The following KLB variants were observed in gnomAD, a reference collection of about 807,000 sequenced individuals.
KLB encodes the protein beta-klotho.
KLB carries 44 observed loss-of-function variants against 88.4 expected under a neutral mutation model. The ratio of observed to expected loss-of-function variants is 0.50; its 90% CI spans 0.39 to 0.64. The LOEUF is 0.64. Among genes scored for constraint, KLB ranks in the 30% least tolerant of loss-of-function variants. KLB has a pLI of 0.00. For synonymous variants in KLB, 548 were observed against 513.4 expected, an observed-to-expected ratio of 1.07 and a Z score of -0.91; for missense variants, 1,137 against 1,304.8, an observed-to-expected ratio of 0.87 and a Z score of 1.98.
rs750895280 is a variant in KLB, at chr4:39,446,332, C to G, written c.1606C>G (p.Pro536Ala). Reference protein sequence around the residue: ...SWGVTESVLKPESVASSPQFS... With the variant: ...SWGVTESVLKAESVASSPQFS... ...ACCTAAATGAGCTTGTTTTTCACAG[C>G]CCGAGTCTGTGGCTTCGTCCCCACA... The change falls in exon 4 of 5, where the codon CCC becomes GCC. Residue 536 changes from proline to alanine, a missense_variant and splice_region_variant. Pro to Ala is a conservative substitution (Grantham distance 27). This residue lies in a region of KLB where 597 missense variants were observed against 765.2 expected (regional missense o/e 0.78). Coordinates refer to ENST00000257408, the MANE Select transcript of KLB (RefSeq NM_175737.4). This position sits in a 1 kb window ranked among gnomAD's most constrained non-coding sequence, Gnocchi z 6.4. 1 of 1,611,820 alleles carries G rather than the reference C, an allele frequency of 6.2e-7. No homozygotes were observed. The highest frequency in any genetic ancestry group is 8.5e-7 in the Non-Finnish European group (1 of 1,178,784).
chr4:39,435,742 T>G (rs560312088), intron 2 of KLB, among the ~76,000 whole-genome samples: 1 of 152,232 alleles, frequency 6.6e-6, no homozygotes, highest in African/African-American at 2.4e-5. Flanking sequence ...TTGTCCAATG[T>G]TGACAGCACT....
In KLB at chr4:39,448,415, T is replaced by C; in HGVS notation, c.2864T>C (p.Ile955Thr). The change falls in exon 5 of 5, where the codon ATA becomes ACA. Residue 955 changes from isoleucine (I) to threonine (T), a missense_variant. Physicochemically the swap from Ile to Thr is moderately conservative, Grantham distance 89. Transcript: ENST00000257408. ...FTSDFKAKSS[I>T]QFYNKVISSR... is the part of the protein sequence containing the mutation. Reference sequence around the variant, plus strand: ...TCTGATTTTAAAGCTAAATCCTCAATACAATTTTACAACAAAGTGATCAGC... The same window carrying C: ...TCTGATTTTAAAGCTAAATCCTCAACACAATTTTACAACAAAGTGATCAGC... 2 of 1,614,150 alleles carry C rather than the reference T, an allele frequency of 1.2e-6. No individual in the cohort carries two copies. Among genetic ancestry groups the C allele is most frequent in the African/African-American group, 1.3e-5 (1 of 75,058 alleles).
At chr4:39,448,262 G>A in intron 4 of KLB, 39 bp from the exon 5 acceptor site, 1 of 1,445,420 alleles carries the variant, frequency 6.9e-7, no homozygotes, top group Non-Finnish European at 9.4e-7. Context: ...ATACTTCATA[G>A]TCCATTTGTG....
intron 1 of KLB, among the ~76,000 whole-genome samples, chr4:39,424,496 G>A (rs776380132): frequency 8.6e-5 from 13 of 151,738 alleles, no homozygotes; most frequent in Non-Finnish European, 1.6e-4. Context: ...GGCATTTCTA[G>A]GGACGTAGGT....
At chr4:39,441,495 G>C (rs1425929237) in intron 3 of KLB, among the ~76,000 whole-genome samples, 1 of 152,102 alleles carries the variant, frequency 6.6e-6, no homozygotes, top group Non-Finnish European at 1.5e-5. Context: ...AAACCCACCT[G>C]TTCCTCAGAT....
rs866709953 is a variant in KLB at position 39,434,654 on chromosome 4, C to G, written c.1270C>G (p.Arg424Gly). 1 of 1,613,400 alleles carries G rather than the reference C, an allele frequency of 6.2e-7. No individual in the cohort carries two copies. The highest frequency in any genetic ancestry group is 8.5e-7 in the Non-Finnish European group (1 of 1,179,508). The change falls in exon 2 of 5, where the codon CGT (arginine) becomes GGT (glycine). Residue 424 changes from arginine (R) to glycine (G), a missense_variant. By Grantham distance (125) the Arg-to-Gly change is moderately radical (BLOSUM62 -2). This residue lies in a region of KLB where 597 missense variants were observed against 765.2 expected (regional missense o/e 0.78). Transcript: ENST00000257408. Reference protein sequence around the residue: ...IAENGWFTDSRVKTEDTTAIY... With the variant: ...IAENGWFTDSGVKTEDTTAIY... ...TGAGAATGGCTGGTTCACAGACAGTCGTGTGAAAACAGAAGACACCACGGC... is the reference window on the plus strand; with the variant it reads ...TGAGAATGGCTGGTTCACAGACAGTGGTGTGAAAACAGAAGACACCACGGC...
chr4:39,446,966 C>T lies in KLB; in HGVS notation c.2240C>T (p.Ala747Val), dbSNP rs35372803. The T allele has an allele frequency of 0.048, 76,572 of 1,606,872 alleles. 2,171 individuals carry two copies. Among genetic ancestry groups the T allele is most frequent in the Non-Finnish European group, 0.056 (65,929 of 1,179,608 alleles). ...AVSLSLHADW[A>V]EPANPYADSH... The stretch of plus-strand genomic sequence containing the variant: ...TCGCTGTCGCTGCACGCGGACTGGG[C>T]GGAACCCGCCAACCCCTATGCTGAC... Residue 747 changes from alanine (A) to valine (V), a missense_variant, in exon 4 of 5, where the codon GCG becomes GTG. Around this residue, in one of 4 missense-constraint regions of KLB, gnomAD observed 426 missense variants for 404.6 expected, o/e 1.05. Coordinates refer to ENST00000257408, the MANE Select transcript of KLB (RefSeq NM_175737.4). This position sits in a 1 kb window ranked among gnomAD's most constrained non-coding sequence, Gnocchi z 6.4.
In KLB at chr4:39,407,644, G is replaced by A. The variant is rs367707565; in HGVS notation, c.695G>A (p.Arg232His). ...ATYCFQMFGD[R>H]VKYWITIHNP... ...TACTGTTTCCAGATGTTTGGGGACCGTGTCAAATATTGGATTACAATTCAC... is the reference window on the plus strand; with the variant it reads ...TACTGTTTCCAGATGTTTGGGGACCATGTCAAATATTGGATTACAATTCAC... Residue 232 changes from arginine (R) to histidine (H), a missense_variant, in exon 1 of 5, where the codon CGT (arginine) becomes CAT (histidine). Transcript: ENST00000257408. The A allele has an allele frequency of 6.3e-5, 102 of 1,613,722 alleles. No homozygotes were observed. The highest frequency in any genetic ancestry group is 8.3e-5 in the Non-Finnish European group (98 of 1,179,800).
intron 4 of KLB, 41 bp from the exon 5 acceptor site, chr4:39,448,258 CAT>C (rs1743805843): frequency 2.8e-6 from 4 of 1,413,488 alleles, no homozygotes; most frequent in Non-Finnish European, 3.8e-6. Context: ...AAAGATACTT[CAT>C]AGTCCATTTG....
At chr4:39,410,084 T>C (rs1284484384) in intron 1 of KLB, among the ~76,000 whole-genome samples, 3 of 152,196 alleles carry the variant, frequency 2.0e-5, no homozygotes, top group Admixed American at 6.5e-5. Flanking sequence ...TGCAAATACA[T>C]GCATGAATAT....
chr4:39,448,715 A>C lies in KLB; in HGVS notation c.*29A>C, dbSNP rs780364678. 2 of 1,579,428 alleles carry C rather than the reference A, an allele frequency of 1.3e-6. No homozygotes were observed. Among genetic ancestry groups the C allele is most frequent in the African/African-American group, 1.4e-5 (1 of 74,048 alleles). The stretch of plus-strand genomic sequence containing the variant: ...GATCTGTCTGCATGATAGACAGTTT[A>C]AAAATTCATCCCAGTTCCATATGCT... On this transcript the variant is annotated 3_prime_UTR_variant, in exon 5 of 5. Transcript: ENST00000257408.
chr4:39,443,045 G>C (rs748146229), intron 3 of KLB, among the ~76,000 whole-genome samples: 1 of 152,076 alleles, frequency 6.6e-6, no homozygotes, highest in Non-Finnish European at 1.5e-5. Context: ...AAGAGTCCAG[G>C]CCAACTGCTT....
intron 1 of KLB, among the ~76,000 whole-genome samples, chr4:39,421,349 T>C (rs764323183): frequency 2.9e-4 from 43 of 150,422 alleles, no homozygotes; most frequent in Non-Finnish European, 4.6e-4. Flanking sequence ...TGTATATAAC[T>C]TTGTGTAATG....
intron 1 of KLB, among the ~76,000 whole-genome samples, chr4:39,420,380 C>T (rs1400130882): frequency 6.6e-6 from 1 of 152,004 alleles, no homozygotes; most frequent in Admixed American, 6.6e-5. Context: ...ACAAAATATT[C>T]CTTAATATAG....
Position 39,407,623 on chromosome 4 carries a change from GT to G in KLB, c.677del (p.Phe226SerfsTer19). ...IDIFNDYATYCFQMFGDRVKY... is the reference protein window; with the variant it reads ...IDIFNDYATYXFQMFGDRVKY... ...ATCTTCAATGACTATGCCACATACT[GT>G]TTCCAGATGTTTGGGGACCGTGTCA... On this transcript the variant is annotated frameshift_variant, in exon 1 of 5. Transcript: ENST00000257408. LOFTEE classifies it high-confidence loss of function. 6.2e-7 allele frequency: 1 copy of G among 1,614,084 alleles called. No homozygotes were observed. Among genetic ancestry groups the G allele is most frequent in the South Asian group, 1.1e-5 (1 of 91,076 alleles).
At chr4:39,411,377 T>C (rs1258083793) in intron 1 of KLB, among the ~76,000 whole-genome samples, 2 of 144,608 alleles carry the variant, frequency 1.4e-5, no homozygotes, top group Non-Finnish European at 3.0e-5. Flanking sequence ...TCTTGCTCTG[T>C]CGCCCAGGCT....
intron 1 of KLB, among the ~76,000 whole-genome samples, chr4:39,427,511 T>C (rs1743246867): frequency 6.8e-6 from 1 of 146,946 alleles, no homozygotes; most frequent in Non-Finnish European, 1.5e-5. Context: ...ATCAACTTGA[T>C]ACCAAAATAG....
intron 1 of KLB, among the ~76,000 whole-genome samples, chr4:39,429,549 G>C (rs1316168513): frequency 2.0e-5 from 3 of 152,174 alleles, no homozygotes; most frequent in Non-Finnish European, 4.4e-5. Context: ...AGAAAAAGAA[G>C]CTGACTTTCC....
At chr4:39,417,609 A>T (rs10030384) in intron 1 of KLB, among the ~76,000 whole-genome samples, 48,328 of 152,004 alleles carry the variant, frequency 0.32, 8,399 homozygotes, top group African/African-American at 0.46. Context: ...ATGCTTTTTT[A>T]AAAAAAAGAA....
Sources: allele counts gnomAD v4.1 joint callset (sites outside exome capture counted in the v4.1 genomes callset), GRCh38; gene constraint gnomAD v4.1.1; regional missense constraint gnomAD v4.1.1; non-coding constraint Gnocchi (gnomAD v3.1); transcripts MANE v1.5; gene names NCBI Gene and HGNC (gene_info 2026-07-23, HGNC 2026-07-21).